The following UNC80 variants were observed in gnomAD, a reference collection of about 807,000 sequenced individuals.
UNC80 encodes the protein protein unc-80 homolog.
In UNC80, 164 loss-of-function variants were observed where a neutral mutation model predicts 384.6. That is an observed-to-expected ratio of 0.43 (90% CI 0.38 to 0.49). The LOEUF (loss-of-function observed/expected upper bound fraction) is 0.49, where lower values mean the gene tolerates loss of function less well. Among genes scored for constraint, UNC80 ranks in the 20% least tolerant of loss-of-function variants. The pLI is 0.00. For synonymous variants in UNC80, 1,486 were observed against 1,527.8 expected (o/e 0.97, Z 0.64); for missense variants, 3,330 against 4,143.0 (o/e 0.80, Z 5.39).
At chr2:209,823,174 A>G (rs531964726) in intron 13 of UNC80, among the ~76,000 whole-genome samples, 1 of 152,312 alleles carries the variant, frequency 6.6e-6, no homozygotes, top group East Asian at 1.9e-4. Context: ...AGAGCTTGGA[A>G]TGTTATTTAA....
At chr2:209,852,199 G>A (rs1279880522) in intron 22 of UNC80, among the ~76,000 whole-genome samples, 1 of 152,058 alleles carries the variant, frequency 6.6e-6, no homozygotes, top group Non-Finnish European at 1.5e-5. Flanking sequence ...GTGGGTAGTA[G>A]GAGTTCCTTT....
intron 11 of UNC80, among the ~76,000 whole-genome samples, 166 bp downstream of exon 11, chr2:209,818,118 G>A (rs1413196852): frequency 6.6e-6 from 1 of 152,124 alleles, no homozygotes; most frequent in Non-Finnish European, 1.5e-5. Context: ...ATCCTTAGTA[G>A]CAAGAACTAT....
chr2:209,961,720 T>C (rs2125003301), intron 51 of UNC80, among the ~76,000 whole-genome samples: 1 of 152,196 alleles, frequency 6.6e-6, no homozygotes, highest in Middle Eastern at 3.4e-3. Context: ...AGTTGCTCGG[T>C]GAAACAATAC....
Position 209,836,977 on chromosome 2 carries a change from A to G in UNC80, c.3041+1967A>G, listed in dbSNP as rs548288842. On this transcript the variant is annotated intron_variant, in intron 18 of 64. Transcript: ENST00000673920. ...CAGACTACATAGTCATACACGTATC[A>G]TGCCATGCATTTACCAAAAGTGAGA... is the stretch of plus-strand genomic sequence containing the variant. 5.9e-5 allele frequency among the ~76,000 whole-genome samples: 9 copies of G among 152,356 alleles called. 1 individual carries two copies. In the South Asian group the frequency reaches 1.9e-3, roughly 32 times the overall value.
In UNC80 at chr2:209,928,416, T is replaced by G. The variant is rs1575047560; in HGVS notation, c.5806+1430T>G. ...ATGACATACTCCAAACTGTTAATAG[T>G]TGTTTCTGTGATGAGTGGACTTCCC... is the stretch of plus-strand genomic sequence containing the variant. On this transcript the variant is annotated intron_variant, in intron 36 of 64. Transcript: ENST00000673920. 2.0e-5 allele frequency among the ~76,000 whole-genome samples: 3 copies of G among 152,300 alleles called. No individual in the cohort carries two copies. The South Asian group carries it at 6.2e-4, about 32-fold the overall frequency.
intron 7 of UNC80, among the ~76,000 whole-genome samples, chr2:209,799,370 T>G (rs1376327293): frequency 6.6e-6 from 1 of 152,228 alleles, no homozygotes; most frequent in Non-Finnish European, 1.5e-5. Flanking sequence ...TTTGGCTCGC[T>G]GCTTACCTAT....
At chr2:209,934,307 G>C (rs964526914) in intron 39 of UNC80, among the ~76,000 whole-genome samples, 5 of 152,278 alleles carry the variant, frequency 3.3e-5, no homozygotes, top group Non-Finnish European at 7.4e-5. Context: ...TGAACTGAAA[G>C]CTTGTTTGAG....
intron 1 of UNC80, among the ~76,000 whole-genome samples, chr2:209,772,863 A>G (rs1335447804): frequency 6.6e-6 from 1 of 152,204 alleles, no homozygotes; most frequent in Non-Finnish European, 1.5e-5. Flanking sequence ...TCTTCAGATT[A>G]AGAGTGGATA....
chr2:209,978,390 A>C (rs959400325), intron 58 of UNC80, 139 bp from the exon 59 acceptor site: 110 of 669,068 alleles, frequency 1.6e-4, no homozygotes, highest in Middle Eastern at 2.9e-4. Context: ...TTCATTTGCA[A>C]CTTTGTTATA....
chr2:209,847,514 A>G (rs1388963326), intron 21 of UNC80, among the ~76,000 whole-genome samples: 1 of 151,994 alleles, frequency 6.6e-6, no homozygotes, highest in African/African-American at 2.4e-5. Flanking sequence ...CTGACCTGTA[A>G]TAAATATATA....
At chr2:209,806,562 T>C (rs560151561) in intron 7 of UNC80, among the ~76,000 whole-genome samples, 7 of 152,326 alleles carry the variant, frequency 4.6e-5, no homozygotes, top group African/African-American at 1.4e-4. Flanking sequence ...GCCATGGAAA[T>C]GATGCAAAGT....
intron 4 of UNC80, among the ~76,000 whole-genome samples, chr2:209,783,008 C>G (rs1431596097): frequency 1.3e-5 from 2 of 151,940 alleles, no homozygotes; most frequent in Non-Finnish European, 2.9e-5. Context: ...AAAGCAAGCC[C>G]TTCAGGGGAT....
At chr2:209,950,566 T>C (rs1217053873) in intron 47 of UNC80, among the ~76,000 whole-genome samples, 2 of 151,776 alleles carry the variant, frequency 1.3e-5, no homozygotes, top group African/African-American at 4.8e-5. Context: ...TTTGGCTTTT[T>C]TTTTTTTTTT....
rs906894505 is a variant in UNC80, at chr2:209,773,617, G to T, written c.141+475G>T. Reference sequence around the variant, plus strand: ...ATAAGTGAAAGGGTGGGGCGGGATCGAGTGGTAGAAGAGAAGGCAGAGAGA... The same window carrying T: ...ATAAGTGAAAGGGTGGGGCGGGATCTAGTGGTAGAAGAGAAGGCAGAGAGA... On this transcript the variant is annotated intron_variant, in intron 2 of 64. Transcript: ENST00000673920. Among the ~76,000 whole-genome samples the T allele has an allele frequency of 2.0e-5, 3 of 152,154 alleles. 1 individual carries two copies. Among genetic ancestry groups the T allele is most frequent in the Non-Finnish European group, 4.4e-5 (3 of 68,024 alleles).
chr2:209,833,424 C>T (rs1055079989), intron 16 of UNC80, among the ~76,000 whole-genome samples: 1 of 152,096 alleles, frequency 6.6e-6, no homozygotes, highest in South Asian at 2.1e-4. Flanking sequence ...TTTAATAGCC[C>T]TACGTCACCT....
chr2:209,965,273 C>T (rs557137032), intron 51 of UNC80, among the ~76,000 whole-genome samples: 18 of 151,992 alleles, frequency 1.2e-4, no homozygotes, highest in Non-Finnish European at 2.5e-4. Flanking sequence ...CCCATCTCTA[C>T]AAAAACTACA....
intron 25 of UNC80, 33 bp from the exon 26 acceptor site, chr2:209,888,062 C>T: frequency 3.2e-6 from 5 of 1,549,950 alleles, no homozygotes; most frequent in Non-Finnish European, 3.5e-6. Context: ...TGGGGAGATG[C>T]CAGCACTCAT....
At chr2:209,878,949 A>G (rs2085023144) in intron 24 of UNC80, among the ~76,000 whole-genome samples, 2 of 152,186 alleles carry the variant, frequency 1.3e-5, no homozygotes, top group Admixed American at 1.3e-4. Flanking sequence ...ATGAAATGTA[A>G]AAGAATGGAT....
At chr2:209,880,578 T>C (rs1281840870) in intron 24 of UNC80, among the ~76,000 whole-genome samples, 1 of 152,226 alleles carries the variant, frequency 6.6e-6, no homozygotes, top group African/African-American at 2.4e-5. Flanking sequence ...CGTAGAAATC[T>C]TGCGAAATTA....
Sources: allele counts gnomAD v4.1 joint callset (sites outside exome capture counted in the v4.1 genomes callset), GRCh38; gene constraint gnomAD v4.1.1; transcripts MANE v1.5; gene names NCBI Gene and HGNC (gene_info 2026-07-23, HGNC 2026-07-21).